The following APBB1IP variants were observed in gnomAD, a reference collection of about 807,000 sequenced individuals.
APBB1IP encodes amyloid beta A4 precursor protein-binding family B member 1-interacting protein.
A neutral mutation model predicts 64.9 loss-of-function variants in APBB1IP; 27 were observed. The ratio of observed to expected loss-of-function variants is 0.42; its 90% confidence interval spans 0.31 to 0.57. The LOEUF is 0.57. Ranked by LOEUF, APBB1IP falls within the 20% of genes least tolerant of loss-of-function variation. APBB1IP has a pLI of 0.20. For synonymous variants in APBB1IP, 392 were observed against 331.0 expected (o/e 1.18, Z -2.00); for missense variants, 812 against 845.5 (o/e 0.96, Z 0.49).
At position 26,562,380 on chromosome 10, in the gene APBB1IP, C is replaced by A; in HGVS notation, c.1424C>A (p.Ser475Tyr). ...PNGQIPQATH[S>Y]VSAVLQEAQR... is the part of the protein sequence containing the mutation. ...GGACAGATTCCCCAGGCTACACATT[C>A]TGTCAGTGCTGTTCTCCAAGAGGCC... is the stretch of plus-strand genomic sequence containing the variant. The change falls in exon 14 of 15, where the codon TCT (serine) becomes TAT (tyrosine). Residue 475 changes from serine to tyrosine, a missense_variant. Physicochemically the swap from Ser to Tyr is moderately radical, Grantham distance 144. Coordinates refer to ENST00000376236, the MANE Select transcript of APBB1IP (RefSeq NM_019043.4). 6.2e-7 allele frequency: 1 copy of A among 1,614,056 alleles called. No homozygotes were observed. Among genetic ancestry groups the A allele is most frequent in the African/African-American group, 1.3e-5 (1 of 75,050 alleles).
chr10:26,566,396 G>A (rs1837044261), intron 14 of APBB1IP, among the ~76,000 whole-genome samples: 1 of 152,032 alleles, frequency 6.6e-6, no homozygotes, highest in African/African-American at 2.4e-5. Context: ...CCGGGACTAC[G>A]GGCGTCTGCC....
chr10:26,446,021 G>A (rs1835394312), intron 2 of APBB1IP, among the ~76,000 whole-genome samples: 1 of 152,224 alleles, frequency 6.6e-6, no homozygotes, highest in Non-Finnish European at 1.5e-5. Flanking sequence ...CCACGGGGCA[G>A]AAGTTCAGTC....
In APBB1IP at chr10:26,525,947, A is replaced by G. The variant is rs114742829; in HGVS notation, c.814-7492A>G. Among the ~76,000 whole-genome samples, 910 of 152,206 alleles carry G rather than the reference A, an allele frequency of 6.0e-3. 8 individuals are homozygous for G. The highest frequency in any genetic ancestry group is 0.021 in the African/African-American group (863 of 41,522). On this transcript the variant is annotated intron_variant, in intron 8 of 14. Coordinates refer to ENST00000376236, the MANE Select transcript of APBB1IP (RefSeq NM_019043.4). Reference sequence around the variant, plus strand: ...AGGGACATTCCTTTCCTCTGGGTATAGGGTGGGCGCCTGTCTCACAAGGAT... The same window carrying G: ...AGGGACATTCCTTTCCTCTGGGTATGGGGTGGGCGCCTGTCTCACAAGGAT...
chr10:26,563,276 C>G (rs1267939787), intron 14 of APBB1IP, among the ~76,000 whole-genome samples: 3 of 152,010 alleles, frequency 2.0e-5, no homozygotes, highest in Non-Finnish European at 2.9e-5. Context: ...TCCCTTGAGC[C>G]CAGGAGTTCA....
chr10:26,441,984 G>T (rs1246371337), intron 2 of APBB1IP, among the ~76,000 whole-genome samples: 1 of 152,192 alleles, frequency 6.6e-6, no homozygotes, highest in Non-Finnish European at 1.5e-5. Context: ...AACTTACGCA[G>T]GAAGTAAGAA....
Position 26,550,913 on chromosome 10 carries a change from T to C in APBB1IP, c.1156-9192T>C, listed in dbSNP as rs539595002. Among the ~76,000 whole-genome samples, 6 of 152,316 alleles carry C rather than the reference T, an allele frequency of 3.9e-5. No homozygotes were observed. The South Asian group carries it at 8.3e-4, about 21-fold the overall frequency. On this transcript the variant is annotated intron_variant, in intron 11 of 14. Coordinates refer to ENST00000376236, the MANE Select transcript of APBB1IP (RefSeq NM_019043.4). ...GAAATTGTGAGCAGATTGACTTTTG[T>C]ATGTCATTTCAGCACTAGAGGGCCT...
At chr10:26,541,439 C>A in intron 10 of APBB1IP, 143 bp from the exon 11 acceptor site, 1 of 645,508 alleles carries the variant, frequency 1.5e-6, no homozygotes. Flanking sequence ...AAAACCTATA[C>A]ATGGCAGATG....
intron 2 of APBB1IP, among the ~76,000 whole-genome samples, chr10:26,456,767 T>C (rs1835531204): frequency 7.2e-6 from 1 of 139,166 alleles, no homozygotes; most frequent in East Asian, 2.1e-4. Flanking sequence ...AAGGAGAGAC[T>C]GTTTGAGCCT....
chr10:26,442,954 G>A lies in APBB1IP; in HGVS notation c.-1+4101G>A, dbSNP rs192475576. ...GGAGTCAGGTTCTCCACCGACTCTGGGTGGTCACAAGCAGCTTGTGCTGTT... is the reference window on the plus strand; with the variant it reads ...GGAGTCAGGTTCTCCACCGACTCTGAGTGGTCACAAGCAGCTTGTGCTGTT... On this transcript the variant is annotated intron_variant, in intron 2 of 14. Transcript: ENST00000376236. 5.4e-3 allele frequency among the ~76,000 whole-genome samples: 816 copies of A among 152,246 alleles called. 4 individuals carry two copies. Among genetic ancestry groups the A allele is most frequent in the Non-Finnish European group, 6.7e-3 (457 of 68,018 alleles).
At chr10:26,457,314 T>G (rs1255189127) in intron 2 of APBB1IP, among the ~76,000 whole-genome samples, 2 of 152,234 alleles carry the variant, frequency 1.3e-5, no homozygotes, top group Non-Finnish European at 2.9e-5. Context: ...ATTTGAATTT[T>G]TCTTTTTTAA....
chr10:26,488,726 G>T (rs1343358520), intron 2 of APBB1IP, among the ~76,000 whole-genome samples: 1 of 152,136 alleles, frequency 6.6e-6, no homozygotes, highest in Admixed American at 6.5e-5. Flanking sequence ...CACAAAATAG[G>T]ACAAGGATCT....
chr10:26,537,786 T>C (rs1312292923), intron 10 of APBB1IP, among the ~76,000 whole-genome samples: 3 of 151,720 alleles, frequency 2.0e-5, no homozygotes, highest in Admixed American at 6.6e-5. Context: ...ATACAAAAAT[T>C]AGCTGGGTGT....
intron 11 of APBB1IP, among the ~76,000 whole-genome samples, chr10:26,554,453 T>C (rs781688883): frequency 5.9e-5 from 9 of 152,244 alleles, no homozygotes; most frequent in Non-Finnish European, 1.2e-4. Flanking sequence ...CAGCTGCGTG[T>C]GCCAATCTCT....
intron 8 of APBB1IP, among the ~76,000 whole-genome samples, chr10:26,514,014 G>A (rs539533481): frequency 1.8e-4 from 27 of 152,136 alleles, no homozygotes; most frequent in Non-Finnish European, 3.4e-4. Context: ...GATTACAGAC[G>A]TGAGCCACTG....
chr10:26,541,771 A>G (rs930911796), intron 11 of APBB1IP, 79 bp downstream of exon 11: 3 of 1,009,674 alleles, frequency 3.0e-6, no homozygotes, highest in Non-Finnish European at 4.4e-6. Context: ...ATGTTAAATT[A>G]TAGTTAGCCA....
intron 2 of APBB1IP, among the ~76,000 whole-genome samples, chr10:26,481,776 C>T (rs1835836410): frequency 6.6e-6 from 1 of 151,758 alleles, no homozygotes; most frequent in African/African-American, 2.4e-5. Flanking sequence ...TGTAACCCAC[C>T]GCACCTGGCC....
rs374943786 is a variant in APBB1IP at position 26,565,236 on chromosome 10, T to G, written c.1474-1725T>G. ...CCCAGGAGTTGCTGTGTGTTTCTAC[T>G]GTGTGTTGTGTGGAATAGGAGCAAG... On this transcript the variant is annotated intron_variant, in intron 14 of 14. Coordinates refer to ENST00000376236, the MANE Select transcript of APBB1IP (RefSeq NM_019043.4). Among the ~76,000 whole-genome samples, 204 of 152,356 alleles carry G rather than the reference T, an allele frequency of 1.3e-3. 1 individual carries two copies. Among genetic ancestry groups the G allele is most frequent in the African/African-American group, 4.1e-3 (172 of 41,582 alleles).
chr10:26,439,742 G>C (rs1250032157), intron 2 of APBB1IP, among the ~76,000 whole-genome samples: 1 of 152,168 alleles, frequency 6.6e-6, no homozygotes, highest in African/African-American at 2.4e-5. Flanking sequence ...CAAAAGAAAA[G>C]GGCCCGTGAG....
intron 8 of APBB1IP, among the ~76,000 whole-genome samples, chr10:26,514,146 A>G (rs1836296162): frequency 6.6e-6 from 1 of 152,234 alleles, no homozygotes; most frequent in Non-Finnish European, 1.5e-5. Context: ...AGCTATATGT[A>G]CGCTAACAGT....
Sources: gnomAD v4.1 joint callset for allele counts (sites outside exome capture counted in the v4.1 genomes callset) on GRCh38, gnomAD v4.1.1 for gene constraint, MANE v1.5 for transcripts, NCBI Gene and HGNC (gene_info 2026-07-23, HGNC 2026-07-21) for gene names.